Variants in MACROH2A2 observed in about 807,000 individuals in gnomAD.
MACROH2A2 encodes macroH2A.2 histone, also known as core histone macro-H2A.2.
Under a neutral mutation model 37.6 loss-of-function variants are expected in MACROH2A2, and 6 were observed. The ratio of observed to expected loss-of-function variants is 0.16; its 90% confidence interval spans 0.09 to 0.32. The LOEUF (loss-of-function observed/expected upper bound fraction) is 0.32. Among genes scored for constraint, MACROH2A2 ranks in the 10% least tolerant of loss-of-function variants. The pLI, the probability that MACROH2A2 is intolerant of heterozygous loss-of-function variation, is 1.00. For missense variants in MACROH2A2, 290 were observed against 485.9 expected (o/e 0.60, Z 3.79); for synonymous variants, 192 against 202.7 (o/e 0.95, Z 0.45).
chr10:70,111,369 G>T, intron 8 of MACROH2A2, 149 bp from the exon 9 acceptor site: 1 of 574,646 alleles, frequency 1.7e-6, no homozygotes, highest in Non-Finnish European at 2.9e-6. Context: ...GCCACCCCCA[G>T]GCTGTCCCTT....
intron 1 of MACROH2A2, among the ~76,000 whole-genome samples, chr10:70,068,311 G>C (rs79069560): frequency 4.2e-4 from 64 of 152,248 alleles, no homozygotes; most frequent in African/African-American, 1.5e-3. Flanking sequence ...GCATGTTCTT[G>C]ATACCACTAG....
rs34688764 is a variant in MACROH2A2, at chr10:70,081,068, C to CAAA, written c.172+5260_172+5262dup. ...GGTGACCAAGCAAGGCCCTGTCTCT[C>CAAA]AAAAAAAAAAAAAAAAAAAAAAAAG... On this transcript the variant is annotated intron_variant, in intron 2 of 8. Coordinates refer to ENST00000373255, the MANE Select transcript of MACROH2A2 (RefSeq NM_018649.3). Among the ~76,000 whole-genome samples the CAAA allele has an allele frequency of 4.0e-3, 183 of 45,700 alleles. 4 individuals are homozygous for CAAA. The highest frequency in any genetic ancestry group is 0.012 in the African/African-American group (134 of 11,282). The allele number at this position is 45,700 out of a possible 152,430, so 30.0% of individuals were successfully genotyped here.
chr10:70,080,140 G>A lies in MACROH2A2; in HGVS notation c.172+4310G>A, dbSNP rs1273328931. On this transcript the variant is annotated intron_variant, in intron 2 of 8. Coordinates refer to ENST00000373255, the MANE Select transcript of MACROH2A2 (RefSeq NM_018649.3). ...AATAAAAATACAAAATTAGCCGGACGTGATGGTGCATGCCTGTTATCCCAG... is the reference window on the plus strand; with the variant it reads ...AATAAAAATACAAAATTAGCCGGACATGATGGTGCATGCCTGTTATCCCAG... Among the ~76,000 whole-genome samples, 7 of 151,978 alleles carry A rather than the reference G, an allele frequency of 4.6e-5. No individual in the cohort carries two copies. In the East Asian group the frequency reaches 5.8e-4, roughly 13 times the overall value.
intron 1 of MACROH2A2, among the ~76,000 whole-genome samples, chr10:70,065,698 T>C (rs2072075248): frequency 6.6e-6 from 1 of 152,064 alleles, no homozygotes; most frequent in African/African-American, 2.4e-5. Flanking sequence ...ATAAGAGACT[T>C]GGACTATTAA....
chr10:70,068,625 C>G (rs944138517), intron 1 of MACROH2A2, among the ~76,000 whole-genome samples: 3 of 152,144 alleles, frequency 2.0e-5, no homozygotes, highest in South Asian at 4.1e-4. Context: ...GCCAAAAACC[C>G]AGCTTTGCAA....
chr10:70,086,001 A>ATT (rs56655318), intron 2 of MACROH2A2, among the ~76,000 whole-genome samples: 6 of 147,904 alleles, frequency 4.1e-5, no homozygotes, highest in African/African-American at 1.5e-4. Flanking sequence ...TTTGCTTTGA[A>ATT]TTTTTTTTTT....
chr10:70,087,377 C>T (rs748444605), intron 2 of MACROH2A2, among the ~76,000 whole-genome samples: 2 of 151,850 alleles, frequency 1.3e-5, no homozygotes, highest in South Asian at 2.1e-4. Context: ...GGATTATAGG[C>T]GCACGCCACC....
intron 2 of MACROH2A2, among the ~76,000 whole-genome samples, chr10:70,082,288 G>A (rs946743089): frequency 9.2e-5 from 14 of 152,144 alleles, no homozygotes; most frequent in Non-Finnish European, 7.4e-5. Context: ...GTGTGGTGGT[G>A]CATGCCTGTA....
At chr10:70,095,502 C>G (rs1191703526) in intron 5 of MACROH2A2, 152 bp from the exon 6 acceptor site, 4 of 545,200 alleles carry the variant, frequency 7.3e-6, no homozygotes, top group Non-Finnish European at 1.3e-5. Flanking sequence ...AGCCAAACAC[C>G]TGGGAAACTG....
chr10:70,070,529 G>A (rs964095923), intron 1 of MACROH2A2, among the ~76,000 whole-genome samples: 2 of 151,988 alleles, frequency 1.3e-5, no homozygotes, highest in Non-Finnish European at 2.9e-5. Flanking sequence ...TTTCGCTGTC[G>A]TTGCCCAGCA....
chr10:70,105,196 A>G lies in MACROH2A2; in HGVS notation c.779-3837A>G, dbSNP rs113778812. ...GCCAGGCAGCAGCAAGGAATACAAA[A>G]GTGCTTCAGTGAAGATGTCAGCTGG... On this transcript the variant is annotated intron_variant, in intron 7 of 8. Transcript: ENST00000373255. Among the ~76,000 whole-genome samples the G allele has an allele frequency of 3.0e-4, 45 of 152,356 alleles. 1 individual carries two copies. Among genetic ancestry groups the G allele is most frequent in the African/African-American group, 1.1e-3 (44 of 41,584 alleles).
chr10:70,099,943 C>G (rs1237614721), intron 6 of MACROH2A2, among the ~76,000 whole-genome samples: 1 of 152,180 alleles, frequency 6.6e-6, no homozygotes, highest in Non-Finnish European at 1.5e-5. Flanking sequence ...AAATCATCTA[C>G]AAGACTCAAG....
chr10:70,074,016 C>T (rs56195955), intron 1 of MACROH2A2, among the ~76,000 whole-genome samples: 8,332 of 152,236 alleles, frequency 0.055, 419 homozygotes, highest in East Asian at 0.25. Flanking sequence ...TATATTAACA[C>T]ATTTCCTAGA....
intron 4 of MACROH2A2, among the ~76,000 whole-genome samples, chr10:70,092,740 C>A (rs1358114692): frequency 2.6e-5 from 4 of 152,142 alleles, no homozygotes; most frequent in Non-Finnish European, 5.9e-5. Flanking sequence ...CTTTTACTAC[C>A]CCCAGCAAAA....
At chr10:70,096,876 A>G (rs528873560) in intron 6 of MACROH2A2, among the ~76,000 whole-genome samples, 1 of 152,260 alleles carries the variant, frequency 6.6e-6, no homozygotes, top group African/African-American at 2.4e-5. Context: ...CCCTGGGAAA[A>G]GTCAGCATTA....
intron 2 of MACROH2A2, among the ~76,000 whole-genome samples, chr10:70,083,596 AG>A (rs945105397): frequency 2.0e-5 from 3 of 152,034 alleles, no homozygotes; most frequent in Non-Finnish European, 4.4e-5. Flanking sequence ...CAGTCAAAAA[AG>A]GAGGGCACAA....
At chr10:70,101,351 C>T (rs1022248025) in intron 7 of MACROH2A2, among the ~76,000 whole-genome samples, 7 of 152,170 alleles carry the variant, frequency 4.6e-5, no homozygotes, top group African/African-American at 9.7e-5. Context: ...AAGATACAAT[C>T]GATCCTGGGA....
chr10:70,065,319 T>G (rs879344108), intron 1 of MACROH2A2, among the ~76,000 whole-genome samples: 3 of 152,094 alleles, frequency 2.0e-5, no homozygotes. Context: ...TTAAGTGATC[T>G]GCCCACCTCG....
chr10:70,058,922 T>C (rs1275344554), intron 1 of MACROH2A2, among the ~76,000 whole-genome samples: 2 of 141,134 alleles, frequency 1.4e-5, no homozygotes, highest in Non-Finnish European at 3.1e-5. Flanking sequence ...CCAACAACCC[T>C]ATCACGACTA....
Sources: allele counts gnomAD v4.1 joint callset (sites outside exome capture counted in the v4.1 genomes callset), GRCh38; gene constraint gnomAD v4.1.1; transcripts MANE v1.5; gene names NCBI Gene and HGNC (gene_info 2026-07-23, HGNC 2026-07-21).